TRPC7: variants seen among roughly 807,000 people sequenced by gnomAD.
TRPC7 encodes short transient receptor potential channel 7.
TRPC7 carries 42 observed loss-of-function variants against 90.1 expected under a neutral mutation model. The ratio of observed to expected loss-of-function variants is 0.47; its 90% CI spans 0.36 to 0.60. The LOEUF (loss-of-function observed/expected upper bound fraction) is 0.60. TRPC7 is among the 20% of genes least tolerant of loss of function. TRPC7 has a pLI of 0.00. For missense variants in TRPC7, 955 were observed against 1,112.3 expected, an observed-to-expected ratio of 0.86 and a Z score of 2.01; for synonymous variants, 451 against 436.3, an observed-to-expected ratio of 1.03 and a Z score of -0.42.
intron 3 of TRPC7, among the ~76,000 whole-genome samples, chr5:136,300,053 G>A (rs1278363268): frequency 1.3e-5 from 2 of 152,152 alleles, no homozygotes; most frequent in Non-Finnish European, 2.9e-5. Flanking sequence ...GAAGAAAAAT[G>A]CTTTAAAGGA....
intron 4 of TRPC7, among the ~76,000 whole-genome samples, chr5:136,272,746 AC>A (rs1366495731): frequency 6.6e-6 from 1 of 152,086 alleles, no homozygotes; most frequent in Non-Finnish European, 1.5e-5. Flanking sequence ...AGGTGAGGAA[AC>A]CCCTGTTATG....
rs180722939 is a variant in TRPC7 at position 136,315,173 on chromosome 5, A to T, written c.963+424T>A. Among the ~76,000 whole-genome samples, 61 of 152,272 alleles carry T rather than the reference A, an allele frequency of 4.0e-4. 2 individuals are homozygous for T. The East Asian group carries it at 0.011, about 27-fold the overall frequency. On this transcript the variant is annotated intron_variant, in intron 3 of 11. Transcript: ENST00000513104. ...AGCTCTTTACATTAATACATTTTCT[A>T]CACAACTAGTCCTCAGGCACACAGA... is the stretch of plus-strand genomic sequence containing the variant.
At chr5:136,288,737 T>G (rs1757823650) in intron 3 of TRPC7, among the ~76,000 whole-genome samples, 1 of 152,210 alleles carries the variant, frequency 6.6e-6, no homozygotes, top group South Asian at 2.1e-4. Context: ...GGGAGTCAAT[T>G]AATTCAGGAA....
At chr5:136,341,672 AAAG>A (rs1435620486) in intron 2 of TRPC7, among the ~76,000 whole-genome samples, 1 of 152,170 alleles carries the variant, frequency 6.6e-6, no homozygotes, top group Admixed American at 6.5e-5. Context: ...AAAAAATTGA[AAAG>A]AAGATGAATG....
intron 2 of TRPC7, among the ~76,000 whole-genome samples, chr5:136,352,566 A>C (rs1760225484): frequency 6.6e-6 from 1 of 152,118 alleles, no homozygotes. Flanking sequence ...GAGGTAGACA[A>C]ATTTTTTATT....
intron 7 of TRPC7, among the ~76,000 whole-genome samples, chr5:136,236,623 G>T (rs566436605): frequency 1.3e-5 from 2 of 152,226 alleles, no homozygotes; most frequent in Admixed American, 6.5e-5. Context: ...GGGAAGGTTG[G>T]GGCTGATTTG....
chr5:136,252,335 T>G (rs1756551433), intron 5 of TRPC7, among the ~76,000 whole-genome samples: 1 of 152,120 alleles, frequency 6.6e-6, no homozygotes, highest in Admixed American at 6.5e-5. Flanking sequence ...TGGTTTTTTT[T>G]GGACATAGAA....
chr5:136,330,659 C>T (rs1759471107), intron 2 of TRPC7, among the ~76,000 whole-genome samples: 1 of 152,216 alleles, frequency 6.6e-6, no homozygotes, highest in South Asian at 2.1e-4. Context: ...AAAGCAATAC[C>T]CTGTGTTTAC....
chr5:136,213,504 T>C lies in TRPC7; in HGVS notation c.2520A>G (p.Gln840=). Residue 840 remains glutamine, a synonymous_variant, in exon 12 of 12, where the codon CAA becomes CAG. Coordinates refer to ENST00000513104, the MANE Select transcript of TRPC7 (RefSeq NM_020389.3). The stretch of plus-strand genomic sequence containing the variant: ...AGTTCTTTCCAAACTTCTCGCTGAG[T>C]TGTTGAATCAGGTCTGCCAGCTCAC... ...ATGELADLIQ[Q]LSEKFGKNLN... is the part of the protein sequence containing the mutation. 6.2e-7 allele frequency: 1 copy of C among 1,614,006 alleles called. No homozygotes were observed. Among genetic ancestry groups the C allele is most frequent in the Non-Finnish European group, 8.5e-7 (1 of 1,179,884 alleles).
At chr5:136,306,105 C>T (rs910711791) in intron 3 of TRPC7, among the ~76,000 whole-genome samples, 3 of 152,196 alleles carry the variant, frequency 2.0e-5, no homozygotes, top group Non-Finnish European at 4.4e-5. Flanking sequence ...CTCTTGTTTA[C>T]ACTGCCGGTT....
intron 3 of TRPC7, among the ~76,000 whole-genome samples, chr5:136,302,230 T>A (rs1758422008): frequency 6.6e-6 from 1 of 152,224 alleles, no homozygotes; most frequent in South Asian, 2.1e-4. Context: ...ATTCACCATT[T>A]CAAAGGTGTC....
intron 3 of TRPC7, among the ~76,000 whole-genome samples, chr5:136,276,352 A>G (rs1018104548): frequency 1.3e-5 from 2 of 152,196 alleles, no homozygotes; most frequent in Non-Finnish European, 2.9e-5. Flanking sequence ...CAACTTATCA[A>G]CTGAGTACCC....
chr5:136,234,466 T>C (rs1755924694), intron 7 of TRPC7, among the ~76,000 whole-genome samples: 1 of 152,066 alleles, frequency 6.6e-6, no homozygotes, highest in Admixed American at 6.5e-5. Flanking sequence ...CGCGCCACTG[T>C]GCCCAGCTAA....
chr5:136,265,531 C>T (rs755744532), intron 5 of TRPC7, among the ~76,000 whole-genome samples: 10 of 151,990 alleles, frequency 6.6e-5, no homozygotes, highest in Non-Finnish European at 1.2e-4. Context: ...CATTTTGCCA[C>T]GTTCAATTTT....
chr5:136,341,276 G>A (rs1759836511), intron 2 of TRPC7, among the ~76,000 whole-genome samples: 1 of 151,998 alleles, frequency 6.6e-6, no homozygotes, highest in South Asian at 2.1e-4. Context: ...CTATCTTGTG[G>A]AACACTACAG....
intron 2 of TRPC7, among the ~76,000 whole-genome samples, chr5:136,352,521 C>T (rs540893636): frequency 1.4e-4 from 21 of 152,178 alleles, no homozygotes; most frequent in African/African-American, 5.1e-4. Context: ...GAGCTTCAGA[C>T]ATCACATTGT....
At chr5:136,301,089 G>A (rs1355322873) in intron 3 of TRPC7, among the ~76,000 whole-genome samples, 1 of 152,140 alleles carries the variant, frequency 6.6e-6, no homozygotes, top group East Asian at 1.9e-4. Flanking sequence ...GAGTGCAGTG[G>A]TATGGTCTCA....
At chr5:136,325,253 T>C (rs931329916) in intron 2 of TRPC7, among the ~76,000 whole-genome samples, 2 of 152,338 alleles carry the variant, frequency 1.3e-5, no homozygotes, top group East Asian at 3.9e-4. Context: ...GGAGCAGTTA[T>C]GGAAGAGTGG....
At chr5:136,275,023 A>G (rs1011647183) in intron 3 of TRPC7, among the ~76,000 whole-genome samples, 186 bp from the exon 4 acceptor site, 14 of 152,104 alleles carry the variant, frequency 9.2e-5, no homozygotes, top group African/African-American at 3.1e-4. Context: ...GATGCTAAGG[A>G]ACTTTGTGCT....
Sources: gnomAD v4.1 joint callset for allele counts (sites outside exome capture counted in the v4.1 genomes callset) on GRCh38, gnomAD v4.1.1 for gene constraint, MANE v1.5 for transcripts, NCBI Gene and HGNC (gene_info 2026-07-23, HGNC 2026-07-21) for gene names.